Variants in NBEA observed in about 807,000 individuals in gnomAD.
The protein encoded by NBEA is neurobeachin.
NBEA carries 44 observed loss-of-function variants against 343.4 expected under a neutral mutation model. The ratio of observed to expected loss-of-function variants is 0.13; its 90% confidence interval spans 0.10 to 0.16. The LOEUF is 0.16. Ranked by LOEUF, NBEA falls within the 10% of genes least tolerant of loss-of-function variation. The pLI, the probability that NBEA is intolerant of heterozygous loss-of-function variation, is 1.00. For missense variants in NBEA, 2,555 were observed against 3,631.3 expected (o/e 0.70, Z 7.62); for synonymous variants, 1,175 against 1,238.7 (o/e 0.95, Z 1.08).
chr13:35,449,090 A>G (rs1305659339), intron 39 of NBEA, among the ~76,000 whole-genome samples: 1 of 152,228 alleles, frequency 6.6e-6, no homozygotes, highest in Non-Finnish European at 1.5e-5. Flanking sequence ...AAGTGGTCCA[A>G]TATTGCTGAG....
At chr13:35,573,869 C>G (rs942282906) in intron 45 of NBEA, among the ~76,000 whole-genome samples, 5 of 152,182 alleles carry the variant, frequency 3.3e-5, no homozygotes, top group Non-Finnish European at 7.4e-5. Context: ...CATTATCATG[C>G]AAAACTAGGC....
At chr13:35,305,015 T>C (rs915022107) in intron 35 of NBEA, among the ~76,000 whole-genome samples, 1 of 152,188 alleles carries the variant, frequency 6.6e-6, no homozygotes, top group Non-Finnish European at 1.5e-5. Context: ...CTAAAAAATA[T>C]GGGGGAAAGT....
intron 34 of NBEA, among the ~76,000 whole-genome samples, chr13:35,233,230 A>G (rs1247870852): frequency 6.6e-6 from 1 of 152,178 alleles, no homozygotes; most frequent in African/African-American, 2.4e-5. Context: ...AGAAAGAATT[A>G]GATAATATCA....
Position 35,364,738 on chromosome 13 carries a change from A to G in NBEA, c.6179+12415A>G, listed in dbSNP as rs900618522. Among the ~76,000 whole-genome samples the G allele has an allele frequency of 2.0e-5, 3 of 151,844 alleles. No individual in the cohort carries two copies. The East Asian group carries it at 5.8e-4, about 29-fold the overall frequency. On this transcript the variant is annotated intron_variant, in intron 38 of 58. Transcript: ENST00000379939. ...GAAAGGAAGATTGTCAGCATCTTCTAAAAGTCTTCAGTAGATAAGTGAAAT... is the reference window on the plus strand; with the variant it reads ...GAAAGGAAGATTGTCAGCATCTTCTGAAAGTCTTCAGTAGATAAGTGAAAT...
chr13:35,439,856 A>G (rs1408132720), intron 39 of NBEA, among the ~76,000 whole-genome samples: 2 of 151,834 alleles, frequency 1.3e-5, no homozygotes, highest in Non-Finnish European at 2.9e-5. Flanking sequence ...CTATTTTTTT[A>G]TTTAATTTAT....
At chr13:35,531,254 AAGT>A (rs1159770429) in intron 41 of NBEA, among the ~76,000 whole-genome samples, 1 of 152,208 alleles carries the variant, frequency 6.6e-6, no homozygotes, top group African/African-American at 2.4e-5. Context: ...TGTAATTAAA[AAGT>A]AGCTATTGAC....
intron 41 of NBEA, among the ~76,000 whole-genome samples, chr13:35,501,630 A>G (rs1001922370): frequency 1.3e-5 from 2 of 152,172 alleles, no homozygotes; most frequent in Non-Finnish European, 2.9e-5. Flanking sequence ...AGCTTCAAAC[A>G]CAAGAGCTTC....
At chr13:35,059,761 C>CAGAGAGAG (rs59580233) in intron 8 of NBEA, among the ~76,000 whole-genome samples, 1 of 111,062 alleles carries the variant, frequency 9.0e-6, no homozygotes, top group Non-Finnish European at 2.1e-5. Context: ...TATATATATA[C>CAGAGAGAG]AGAGAGAGAG....
chr13:35,291,676 CT>C (rs2035809222), intron 35 of NBEA, among the ~76,000 whole-genome samples: 1 of 151,878 alleles, frequency 6.6e-6, no homozygotes, highest in African/African-American at 2.4e-5. Flanking sequence ...TTCCATAGCC[CT>C]GTGTTTCACT....
At chr13:35,369,993 A>G (rs1405072220) in intron 38 of NBEA, among the ~76,000 whole-genome samples, 1 of 151,966 alleles carries the variant, frequency 6.6e-6, no homozygotes, top group Non-Finnish European at 1.5e-5. Flanking sequence ...AGAAGAATGC[A>G]TATTCCATAG....
At chr13:35,248,179 C>G (rs899384229) in intron 34 of NBEA, among the ~76,000 whole-genome samples, 3 of 152,104 alleles carry the variant, frequency 2.0e-5, no homozygotes, top group Non-Finnish European at 4.4e-5. Flanking sequence ...AACCAATATC[C>G]ATTGTGAATA....
chr13:35,251,575 A>G (rs1002603518), intron 34 of NBEA: 10 of 1,208,524 alleles, frequency 8.3e-6, no homozygotes, highest in Middle Eastern at 3.6e-4. Flanking sequence ...GAAGGCGTTC[A>G]CAGAAGCAGT....
chr13:35,168,802 T>C (rs1215507612), intron 24 of NBEA, among the ~76,000 whole-genome samples, 185 bp from the exon 25 acceptor site: 1 of 151,402 alleles, frequency 6.6e-6, no homozygotes, highest in East Asian at 1.9e-4. Flanking sequence ...TATTTAACCT[T>C]GATCATGTAT....
chr13:35,567,710 ATC>A (rs767221997), intron 45 of NBEA, among the ~76,000 whole-genome samples: 1 of 152,218 alleles, frequency 6.6e-6, no homozygotes, highest in Non-Finnish European at 1.5e-5. Flanking sequence ...CTTGGAATGT[ATC>A]TCTGTTTTCT....
intron 34 of NBEA, among the ~76,000 whole-genome samples, chr13:35,284,409 T>C (rs1011362486): frequency 6.6e-6 from 1 of 152,154 alleles, no homozygotes; most frequent in Non-Finnish European, 1.5e-5. Flanking sequence ...GTAAGCTGCA[T>C]TGGCTTAATT....
intron 1 of NBEA, among the ~76,000 whole-genome samples, chr13:34,972,344 T>G (rs1470737749): frequency 6.6e-6 from 1 of 152,150 alleles, no homozygotes; most frequent in Non-Finnish European, 1.5e-5. Context: ...CAGCTCTGAT[T>G]TTGGTATTTC....
intron 38 of NBEA, among the ~76,000 whole-genome samples, chr13:35,385,465 C>T (rs979068312): frequency 2.0e-4 from 30 of 152,144 alleles, no homozygotes; most frequent in Admixed American, 1.3e-3. Flanking sequence ...TTTGGGAGTG[C>T]AGAGTGGACA....
Position 35,039,064 on chromosome 13 carries a change from TCTGGCTAGGG to T in NBEA, c.295-1864_295-1855del, listed in dbSNP as rs536947452. 7.0e-4 allele frequency among the ~76,000 whole-genome samples: 107 copies of T among 152,310 alleles called. No homozygotes were observed. The Middle Eastern group carries it at 0.017, about 24-fold the overall frequency. On this transcript the variant is annotated intron_variant, in intron 1 of 58. Transcript: ENST00000379939. ...GGACTGCTGGTATCAGTGATTCCCC[TCTGGCTAGGG>T]CTGGTTGAGATGCCTTCTTGTGGGT...
chr13:35,303,240 A>G (rs1185758588), intron 35 of NBEA, among the ~76,000 whole-genome samples: 3 of 152,196 alleles, frequency 2.0e-5, no homozygotes, highest in South Asian at 2.1e-4. Context: ...AAGAAACACT[A>G]TGTTCAATTA....
Sources: allele counts gnomAD v4.1 joint callset (sites outside exome capture counted in the v4.1 genomes callset), GRCh38; gene constraint gnomAD v4.1.1; transcripts MANE v1.5; gene names NCBI Gene and HGNC (gene_info 2026-07-23, HGNC 2026-07-21).